The following PCDH20 variants were observed in gnomAD, a reference collection of about 807,000 sequenced individuals.
PCDH20 encodes protocadherin-20.
A neutral mutation model predicts 39.7 loss-of-function variants in PCDH20; 18 were observed. The ratio of observed to expected loss-of-function variants is 0.45; its 90% CI spans 0.31 to 0.67. The LOEUF (loss-of-function observed/expected upper bound fraction) is 0.67. PCDH20 is among the 30% of genes least tolerant of loss of function. PCDH20 has a pLI of 0.05. For missense variants in PCDH20, 1,161 were observed against 1,167.4 expected (o/e 0.99, Z 0.08); for synonymous variants, 495 against 455.4 (o/e 1.09, Z -1.11).
At chr13:61,413,722 A>C (rs1455969864) in exon 2 of PCDH20, 1 of 1,613,786 alleles carries the variant, frequency 6.2e-7, no homozygotes, top group Non-Finnish European at 8.5e-7. Context: ...CTGGCCACTC[A>C]GTCCCCGGGA....
At chr13:61,413,390 G>T (rs1241982942) in exon 2 of PCDH20, 2 of 1,613,744 alleles carry the variant, frequency 1.2e-6, no homozygotes, top group African/African-American at 2.7e-5. Flanking sequence ...CCTACATCTG[G>T]GTCCACAGCA....
intron 1 of PCDH20, 43 bp downstream of exon 1, chr13:61,414,984 G>T (rs1871508142): frequency 7.3e-7 from 1 of 1,373,070 alleles, no homozygotes; most frequent in African/African-American, 1.5e-5. Context: ...TCACAATACT[G>T]CAACTTGTCG....
chr13:61,413,454 C>T (rs201107730), exon 2 of PCDH20: 4 of 1,614,002 alleles, frequency 2.5e-6, no homozygotes, highest in African/African-American at 2.7e-5. Flanking sequence ...GGACCCACAC[C>T]GAGATCTGGG....
exon 2 of PCDH20, chr13:61,413,143 A>T (rs1286321148): frequency 6.2e-7 from 1 of 1,614,054 alleles, no homozygotes; most frequent in African/African-American, 1.3e-5. Flanking sequence ...GTCTGTGAAG[A>T]GAGGGCAATT....
chr13:61,411,082 T>G, exon 2 of PCDH20: 2 of 631,096 alleles, frequency 3.2e-6, no homozygotes, highest in Non-Finnish European at 5.4e-6. Context: ...TTTTATAACC[T>G]CTGAATTTAA....
exon 2 of PCDH20, chr13:61,413,791 G>A (rs1430383521): frequency 1.9e-6 from 3 of 1,613,366 alleles, no homozygotes; most frequent in South Asian, 1.1e-5. Context: ...TGGCAGCTGC[G>A]ACTGCGGGTC....
At chr13:61,412,605 C>T in exon 2 of PCDH20, 1 of 1,614,126 alleles carries the variant, frequency 6.2e-7, no homozygotes, top group Non-Finnish European at 8.5e-7. Flanking sequence ...ACTGCTGTAG[C>T]TCATAGTCCA....
chr13:61,413,270 C>A lies in PCDH20; in HGVS notation c.829G>T (p.Ala277Ser), dbSNP rs1871443627. 11 of 1,614,170 alleles carry A rather than the reference C, an allele frequency of 6.8e-6. No homozygotes were observed. The highest frequency in any genetic ancestry group is 9.3e-6 in the Non-Finnish European group (11 of 1,180,032). The change falls in exon 2 of 2, where the codon GCT (alanine) becomes TCT (serine). Residue 277 changes from alanine (A) to serine (S), a missense_variant. Ala to Ser is a moderately conservative substitution (Grantham distance 99, BLOSUM62 1). This residue lies in a region of PCDH20 where 401 missense variants were observed against 368.7 expected (regional missense o/e 1.09). Transcript: ENST00000409204. Reference sequence around the variant, plus strand: ...TGGTCCTGGGTTTCCCTGTCCAAAGCACCCATGACAATTAGGTAGGGGGTG... The same window carrying A: ...TGGTCCTGGGTTTCCCTGTCCAAAGAACCCATGACAATTAGGTAGGGGGTG...
exon 2 of PCDH20, chr13:61,412,480 A>G (rs1324528136): frequency 4.3e-6 from 7 of 1,614,100 alleles, no homozygotes; most frequent in East Asian, 4.5e-5. Context: ...GGTTAGTTCT[A>G]TTAAGGGTTG....
At chr13:61,412,530 C>T (rs2138018779) in exon 2 of PCDH20, 2 of 1,614,142 alleles carry the variant, frequency 1.2e-6, no homozygotes, top group Non-Finnish European at 1.7e-6. Context: ...CTAAAAGTTG[C>T]ACTTTAATGA....
At position 61,413,660 on chromosome 13, in the gene PCDH20, T is replaced by C; in HGVS notation, c.439A>G (p.Ile147Val). The change falls in exon 2 of 2, where the codon ATC (isoleucine) becomes GTC (valine). Residue 147 changes from isoleucine (I) to valine (V), a missense_variant. Ile to Val is a conservative substitution (Grantham distance 29). This residue lies in a region of PCDH20 where 401 missense variants were observed against 368.7 expected (regional missense o/e 1.09). Coordinates refer to ENST00000409204, the Ensembl canonical transcript of PCDH20. The stretch of plus-strand genomic sequence containing the variant: ...TCAACACACAGGGCCTCCCTGTCGA[T>C]CTCCTGAGCTGAAGTGTGCAGCTCC... The C allele has an allele frequency of 1.9e-6, 3 of 1,614,090 alleles. No homozygotes were observed. The highest frequency in any genetic ancestry group is 1.6e-4 in the Middle Eastern group (1 of 6,062).
In PCDH20 at chr13:61,411,112, G is replaced by A. The variant is rs1878235433; in HGVS notation, c.*131C>T. On this transcript the variant is annotated 3_prime_UTR_variant, in exon 2 of 2. Coordinates refer to ENST00000409204, the Ensembl canonical transcript of PCDH20. ...ATTTAAATTTAAAAACCTGTAAACA[G>A]CTATTTACAATATAGAACAAGTTAT... is the stretch of plus-strand genomic sequence containing the variant. The A allele has an allele frequency of 3.9e-6, 3 of 770,990 alleles. No individual in the cohort carries two copies. In the African/African-American group the frequency reaches 5.3e-5, roughly 14 times the overall value. The allele number at this position is 770,990 out of a possible 1,614,324, so 47.8% of individuals were successfully genotyped here.
exon 1 of PCDH20, chr13:61,415,437 C>T: frequency 3.1e-6 from 1 of 318,416 alleles, no homozygotes; most frequent in Non-Finnish European, 5.7e-6. Context: ...GGCACAGTAG[C>T]GCTTACCTAC....
At position 61,414,036 on chromosome 13, in the gene PCDH20, G is replaced by A. The variant is rs1191570245; in HGVS notation, c.133-70C>T. ...ATAGGGGTCCGAGAGAGAAACTAGC[G>A]CCCCTGTGATCCTTGCTGTCCCCAT... On this transcript the variant is annotated intron_variant, in intron 1 of 1. Transcript: ENST00000409204. 7.4e-6 allele frequency: 10 copies of A among 1,355,146 alleles called. No homozygotes were observed. In the Admixed American group the frequency reaches 1.1e-4, roughly 16 times the overall value. The allele number at this position is 1,355,146 out of a possible 1,614,324, so 83.9% of individuals were successfully genotyped here.
intron 1 of PCDH20, 92 bp from the exon 2 acceptor site, chr13:61,414,058 C>T: frequency 8.5e-7 from 1 of 1,181,258 alleles, no homozygotes; most frequent in Non-Finnish European, 1.2e-6. Context: ...CTTGCTGTCC[C>T]CATCCCCGTT....
At chr13:61,414,752 A>AC (rs1160624412) in intron 1 of PCDH20, among the ~76,000 whole-genome samples, 1 of 152,014 alleles carries the variant, frequency 6.6e-6, no homozygotes, top group East Asian at 1.9e-4. Flanking sequence ...ACGATCCCGA[A>AC]CCCCTGTAGC....
exon 2 of PCDH20, chr13:61,411,336 C>T (rs1309249066): frequency 6.2e-7 from 1 of 1,613,940 alleles, no homozygotes; most frequent in South Asian, 1.1e-5. Flanking sequence ...TTTCATCTTC[C>T]CTGGGATGCT....
chr13:61,412,043 C>A, exon 2 of PCDH20: 1 of 1,614,136 alleles, frequency 6.2e-7, no homozygotes, highest in Non-Finnish European at 8.5e-7. Context: ...GTATCTATGA[C>A]AAAAATATCA....
exon 2 of PCDH20, chr13:61,411,226 T>C (rs367950130): frequency 5.4e-5 from 86 of 1,586,206 alleles, no homozygotes; most frequent in Non-Finnish European, 7.1e-5. Context: ...TTCTCTGTGT[T>C]ATTCCACCAT....
Sources: gnomAD v4.1 joint callset for allele counts (sites outside exome capture counted in the v4.1 genomes callset) on GRCh38, gnomAD v4.1.1 for gene constraint, gnomAD v4.1.1 regional missense constraint, MANE v1.5 for transcripts, NCBI Gene and HGNC (gene_info 2026-07-23, HGNC 2026-07-21) for gene names.